The following RAPGEF6 variants were observed in gnomAD, a reference collection of about 807,000 sequenced individuals.
RAPGEF6 encodes PDZ domain containing guanine nucleotide exchange factor (GEF) 2.
In RAPGEF6, 56 loss-of-function variants were observed where a neutral mutation model predicts 171.4. The observed-to-expected ratio is 0.33, with a 90% CI of 0.26 to 0.41. The LOEUF is 0.41. Among genes scored for constraint, RAPGEF6 ranks in the 10% least tolerant of loss-of-function variants. The pLI is 1.00. For missense variants in RAPGEF6, 1,674 were observed against 1,921.4 expected (o/e 0.87, Z 2.41); for synonymous variants, 692 against 650.1 (o/e 1.06, Z -0.98).
chr5:131,507,949 T>C, intron 9 of RAPGEF6, 122 bp downstream of exon 9: 1 of 936,776 alleles, frequency 1.1e-6, no homozygotes, highest in Non-Finnish European at 1.5e-6. Context: ...TTGGCATTTA[T>C]TTAAGAAATC....
intron 17 of RAPGEF6, among the ~76,000 whole-genome samples, chr5:131,471,322 T>A (rs370118943): frequency 2.0e-5 from 3 of 152,200 alleles, no homozygotes; most frequent in African/African-American, 7.2e-5. Context: ...AACTGAAATA[T>A]AAAGGAAGAA....
At chr5:131,499,375 G>A (rs1395361042) in intron 11 of RAPGEF6, among the ~76,000 whole-genome samples, 1 of 152,080 alleles carries the variant, frequency 6.6e-6, no homozygotes, top group Non-Finnish European at 1.5e-5. Flanking sequence ...GAGGTCCACA[G>A]TTCAAGACCA....
intron 6 of RAPGEF6, among the ~76,000 whole-genome samples, chr5:131,528,768 G>A (rs1434495983): frequency 6.6e-6 from 1 of 152,136 alleles, no homozygotes; most frequent in African/African-American, 2.4e-5. Context: ...AGTGAATGAG[G>A]AGGAGTGTAG....
At chr5:131,579,561 C>A (rs1762811840) in intron 4 of RAPGEF6, among the ~76,000 whole-genome samples, 1 of 152,182 alleles carries the variant, frequency 6.6e-6, no homozygotes, top group Admixed American at 6.5e-5. Context: ...AATCCTCTAG[C>A]TAGACACCAA....
At chr5:131,467,292 T>C (rs911736994) in intron 17 of RAPGEF6, among the ~76,000 whole-genome samples, 6 of 152,212 alleles carry the variant, frequency 3.9e-5, no homozygotes, top group African/African-American at 9.6e-5. Context: ...TCACATAAGA[T>C]TGATTCAGGT....
Position 131,427,400 on chromosome 5 carries a change from C to T in RAPGEF6, c.4781-109G>A. 3 of 941,650 alleles carry T rather than the reference C, an allele frequency of 3.2e-6. No individual in the cohort carries two copies. The South Asian group carries it at 4.7e-5, about 15-fold the overall frequency. The allele number at this position is 941,650 out of a possible 1,614,324, so 58.3% of individuals were successfully genotyped here. A position where few individuals can be genotyped will look rare whatever the true frequency, so the allele number is the denominator to read the frequency against. On this transcript the variant is annotated intron_variant, in intron 27 of 27. Coordinates refer to ENST00000509018, the MANE Select transcript of RAPGEF6 (RefSeq NM_016340.6). ...ATGTCAACAAAGAAATCCTCTCAAA[C>T]ATTGCATCGAGGCCCAGATTTTATT... is the stretch of plus-strand genomic sequence containing the variant.
chr5:131,472,557 C>A (rs750436340), intron 17 of RAPGEF6, 30 bp downstream of exon 17: 2 of 1,599,084 alleles, frequency 1.3e-6, no homozygotes, highest in Non-Finnish European at 1.7e-6. Context: ...GGTACCAATA[C>A]GGCAATATAA....
Position 131,582,709 on chromosome 5 carries a change from C to T in RAPGEF6, c.281+9674G>A, listed in dbSNP as rs555251175. On this transcript the variant is annotated intron_variant, in intron 4 of 27. Transcript: ENST00000509018. ...AATTATATCCCTGTTAAAGGACTTA[C>T]ATATAGCATACAAGAACTTTTGAAG... Among the ~76,000 whole-genome samples, 4 of 152,272 alleles carry T rather than the reference C, an allele frequency of 2.6e-5. No individual in the cohort carries two copies. The East Asian group carries it at 7.7e-4, about 29-fold the overall frequency.
chr5:131,545,496 T>C (rs780902453), intron 6 of RAPGEF6, among the ~76,000 whole-genome samples: 3 of 151,988 alleles, frequency 2.0e-5, no homozygotes, highest in Non-Finnish European at 4.4e-5. Context: ...TTGCTGACAA[T>C]AGAACAAAAG....
chr5:131,590,624 T>G (rs1243434278), intron 4 of RAPGEF6, among the ~76,000 whole-genome samples: 1 of 152,204 alleles, frequency 6.6e-6, no homozygotes, highest in African/African-American at 2.4e-5. Context: ...GTATTATTCT[T>G]TAGAATAAAG....
intron 4 of RAPGEF6, among the ~76,000 whole-genome samples, chr5:131,564,399 C>T (rs1761798165): frequency 1.3e-5 from 2 of 152,064 alleles, no homozygotes; most frequent in Non-Finnish European, 2.9e-5. Flanking sequence ...TAGGTAGGGT[C>T]CTCAGGAATG....
intron 6 of RAPGEF6, among the ~76,000 whole-genome samples, chr5:131,526,875 T>A (rs1296782011): frequency 6.6e-6 from 1 of 152,188 alleles, no homozygotes; most frequent in Non-Finnish European, 1.5e-5. Context: ...AAGAAAGTTT[T>A]TTAGCTAACA....
chr5:131,633,747 CATTAA>C (rs1225896891), intron 1 of RAPGEF6, among the ~76,000 whole-genome samples: 2 of 152,082 alleles, frequency 1.3e-5, no homozygotes, highest in Admixed American at 6.6e-5. Context: ...AATAAAATAA[CATTAA>C]ATTAAATTAA....
chr5:131,561,287 A>AC (rs1761583256), intron 5 of RAPGEF6, among the ~76,000 whole-genome samples: 1 of 152,274 alleles, frequency 6.6e-6, no homozygotes, highest in East Asian at 1.9e-4. Context: ...ACTTTTCTCT[A>AC]CTTCATTCTC....
At chr5:131,536,607 GA>G (rs1759794216) in intron 6 of RAPGEF6, among the ~76,000 whole-genome samples, 1 of 152,088 alleles carries the variant, frequency 6.6e-6, no homozygotes. Flanking sequence ...GGGAGTAATA[GA>G]GGAAGAAAAA....
intron 7 of RAPGEF6, among the ~76,000 whole-genome samples, chr5:131,514,466 C>T (rs572714495): frequency 2.0e-5 from 3 of 152,110 alleles, no homozygotes; most frequent in African/African-American, 7.2e-5. Context: ...ACAATAAAAA[C>T]TTACTACATA....
intron 11 of RAPGEF6, among the ~76,000 whole-genome samples, chr5:131,503,150 C>T (rs530122721): frequency 6.6e-6 from 1 of 152,158 alleles, no homozygotes; most frequent in Non-Finnish European, 1.5e-5. Flanking sequence ...TTGAAGGATT[C>T]TATGGTGTTT....
Position 131,480,596 on chromosome 5 carries a change from G to A in RAPGEF6, c.1841-843C>T, listed in dbSNP as rs191781606. ...CGGGTTCAAGCGATTCTCTTGCCTC[G>A]GCTTCCAGAGTAGCTAGGATTACAG... On this transcript the variant is annotated intron_variant, in intron 15 of 27. Transcript: ENST00000509018. Among the ~76,000 whole-genome samples the A allele has an allele frequency of 2.1e-3, 313 of 151,870 alleles. 1 individual carries two copies. The highest frequency in any genetic ancestry group is 7.4e-3 in the African/African-American group (307 of 41,388).
chr5:131,541,063 T>TA (rs1167429151), intron 6 of RAPGEF6, among the ~76,000 whole-genome samples: 1 of 152,238 alleles, frequency 6.6e-6, no homozygotes, highest in Non-Finnish European at 1.5e-5. Flanking sequence ...ATATAAAAAA[T>TA]ACAGGCATTT....
Sources: allele counts gnomAD v4.1 joint callset (sites outside exome capture counted in the v4.1 genomes callset), GRCh38; gene constraint gnomAD v4.1.1; transcripts MANE v1.5; gene names NCBI Gene and HGNC (gene_info 2026-07-23, HGNC 2026-07-21).